Variants in SPMIP4 observed in about 807,000 individuals in gnomAD.
The protein encoded by SPMIP4 is sperm-associated microtubule inner protein 4.
the SPMIP4 span, chr7:25,161,088 C>G: frequency 1.6e-6 from 1 of 626,458 alleles, no homozygotes; most frequent in South Asian, 2.4e-5. Flanking sequence ...TAATTTGTTT[C>G]TCTAAAAGTC....
the SPMIP4 span, chr7:25,168,515 T>C: frequency 7.0e-7 from 1 of 1,423,124 alleles, no homozygotes; most frequent in East Asian, 2.5e-5. Context: ...AACAGATGCA[T>C]AAAATTGCAT....
chr7:25,158,628 G>GAGCCACCATGCCCA, the SPMIP4 span: 4 of 963,330 alleles, frequency 4.2e-6, no homozygotes, highest in South Asian at 1.4e-5. Flanking sequence ...GGCTGGGCAT[G>GAGCCACCATGCCCA]GTGGCTCATG....
chr7:25,142,554 A>G, the SPMIP4 span: 2 of 1,196,160 alleles, frequency 1.7e-6, no homozygotes, highest in Non-Finnish European at 2.4e-6. Context: ...AAAGGCAAAA[A>G]CATGAGAAGT....
the SPMIP4 span, among the ~76,000 whole-genome samples, chr7:25,152,348 G>A: frequency 6.6e-6 from 1 of 152,140 alleles, no homozygotes; most frequent in Non-Finnish European, 1.5e-5. Flanking sequence ...TTACCAAACA[G>A]CATGGCTCGC....
At chr7:25,129,257 C>A in the SPMIP4 span, among the ~76,000 whole-genome samples, 237 of 152,282 alleles carry the variant, frequency 1.6e-3, 2 homozygotes, top group Middle Eastern at 0.02. Context: ...TATTTGGGAC[C>A]CCCCCAGAGC....
At chr7:25,162,045 C>T in the SPMIP4 span, among the ~76,000 whole-genome samples, 3 of 151,694 alleles carry the variant, frequency 2.0e-5, no homozygotes, top group African/African-American at 7.3e-5. Context: ...CTGAGGTCGG[C>T]GGATCACTTG....
the SPMIP4 span, among the ~76,000 whole-genome samples, chr7:25,141,977 C>A: frequency 6.6e-6 from 1 of 152,188 alleles, no homozygotes; most frequent in Admixed American, 6.5e-5. Flanking sequence ...ACCTCGTGAT[C>A]TGTCCGCCTC....
chr7:25,146,096 A>C, the SPMIP4 span, among the ~76,000 whole-genome samples: 1 of 152,204 alleles, frequency 6.6e-6, no homozygotes, highest in African/African-American at 2.4e-5. Context: ...CCATTTTTAC[A>C]CTAACAGGTT....
the SPMIP4 span, among the ~76,000 whole-genome samples, chr7:25,140,293 TTTTTA>T: frequency 6.6e-6 from 1 of 152,080 alleles, no homozygotes; most frequent in Non-Finnish European, 1.5e-5. Context: ...TTCAGCTCAG[TTTTTA>T]TTTTATTTAT....
At chr7:25,135,066 G>C in the SPMIP4 span, 1 of 478,046 alleles carries the variant, frequency 2.1e-6, no homozygotes, top group Non-Finnish European at 2.7e-6. Context: ...AATTCCTCTT[G>C]AACTTCCACG....
chr7:25,154,486 A>G, the SPMIP4 span, among the ~76,000 whole-genome samples: 454 of 152,254 alleles, frequency 3.0e-3, 2 homozygotes, highest in African/African-American at 0.011. Flanking sequence ...CACATTCACA[A>G]AGACTCCAAG....
chr7:25,135,729 A>C, the SPMIP4 span: 1 of 1,092,956 alleles, frequency 9.1e-7, no homozygotes, highest in Non-Finnish European at 1.1e-6. Context: ...GAGATTAAAG[A>C]CTATAAATTT....
chr7:25,168,270 T>C, the SPMIP4 span: 1 of 1,585,496 alleles, frequency 6.3e-7, no homozygotes, highest in Non-Finnish European at 8.5e-7. Flanking sequence ...TTTCTGTGAA[T>C]GGCAGAAAGT....
chr7:25,132,037 G>A, the SPMIP4 span, among the ~76,000 whole-genome samples: 1 of 152,186 alleles, frequency 6.6e-6, no homozygotes, highest in African/African-American at 2.4e-5. This position sits in a 1 kb window ranked among gnomAD's most constrained non-coding sequence, Gnocchi z 5.0. Context: ...GCAGTTGCAA[G>A]ATTTAATAGA....
chr7:25,167,715 G>A, the SPMIP4 span, among the ~76,000 whole-genome samples: 2 of 152,192 alleles, frequency 1.3e-5, no homozygotes, highest in East Asian at 3.8e-4. Flanking sequence ...TAAAGCAGGA[G>A]GAAGCAGGCT....
chr7:25,179,204 C>T, the SPMIP4 span: 20 of 1,609,658 alleles, frequency 1.2e-5, no homozygotes, highest in South Asian at 2.0e-4. Context: ...GGCGAGTAAC[C>T]GTCTGGAGGG....
chr7:25,134,572 G>T, the SPMIP4 span: 2 of 604,052 alleles, frequency 3.3e-6, no homozygotes, highest in Non-Finnish European at 4.1e-6. Flanking sequence ...CATGGAGGTA[G>T]GCAGAGTGAA....
the SPMIP4 span, among the ~76,000 whole-genome samples, chr7:25,162,358 C>T: frequency 6.6e-6 from 1 of 150,618 alleles, no homozygotes; most frequent in Admixed American, 6.6e-5. Context: ...CGTAGAAGTT[C>T]AAATAAAATA....
At chr7:25,170,150 T>A in the SPMIP4 span, among the ~76,000 whole-genome samples, 2 of 152,072 alleles carry the variant, frequency 1.3e-5, no homozygotes, top group South Asian at 4.1e-4. Flanking sequence ...TTTACATTCC[T>A]ACCAACATTG....
Sources: allele counts gnomAD v4.1 joint callset (sites outside exome capture counted in the v4.1 genomes callset), GRCh38; gene constraint gnomAD v4.1.1; non-coding constraint Gnocchi (gnomAD v3.1); transcripts MANE v1.5; gene names NCBI Gene and HGNC (gene_info 2026-07-23, HGNC 2026-07-21).